CDK17: variants seen among roughly 807,000 people sequenced by gnomAD.
CDK17 encodes the protein cyclin-dependent kinase 17.
Under a neutral mutation model 77.6 loss-of-function variants are expected in CDK17, and 24 were observed. The ratio of observed to expected loss-of-function variants is 0.31; its 90% CI spans 0.22 to 0.44. The LOEUF (loss-of-function observed/expected upper bound fraction) is 0.44, where lower values mean the gene tolerates loss of function less well. Among genes scored for constraint, CDK17 ranks in the 20% least tolerant of loss-of-function variants. CDK17 has a pLI of 1.00. For synonymous variants in CDK17, 203 were observed against 210.4 expected (o/e 0.96, Z 0.30); for missense variants, 429 against 622.5 (o/e 0.69, Z 3.31).
At chr12:96,372,662 T>C (rs568749061) in intron 1 of CDK17, among the ~76,000 whole-genome samples, 1 of 152,234 alleles carries the variant, frequency 6.6e-6, no homozygotes, top group African/African-American at 2.4e-5. Context: ...CCACAGCCAC[T>C]TTTTTTCAGA....
At chr12:96,301,582 T>C (rs1168748565) in intron 5 of CDK17, among the ~76,000 whole-genome samples, 1 of 152,194 alleles carries the variant, frequency 6.6e-6, no homozygotes, top group East Asian at 1.9e-4. Flanking sequence ...GAAAAGGTAA[T>C]GATAATCTAA....
rs1954240282 is a variant in CDK17, at chr12:96,400,251, G to C, written c.-295C>G. ...TCCCGCGCCGACGAGCCGCGCGGAC[G>C]GCCCACTAATCCCCTCGGAGCAGCC... On this transcript the variant is annotated 5_prime_UTR_variant, in exon 1 of 17. Transcript: ENST00000261211. 1 of 393,728 alleles carries C rather than the reference G, an allele frequency of 2.5e-6. No individual in the cohort carries two copies. 24.4% of individuals were successfully genotyped at this position (393,728 alleles called of 1,614,324 possible).
At chr12:96,389,076 C>T (rs1592773286) in intron 1 of CDK17, among the ~76,000 whole-genome samples, 1 of 151,496 alleles carries the variant, frequency 6.6e-6, no homozygotes, top group East Asian at 1.9e-4. Flanking sequence ...GAGCCTTCTG[C>T]CTCAGCCTCC....
intron 1 of CDK17, among the ~76,000 whole-genome samples, chr12:96,395,394 G>A (rs796118037): frequency 4.6e-4 from 70 of 152,328 alleles, no homozygotes; most frequent in African/African-American, 1.7e-3. Flanking sequence ...CATGGAGACA[G>A]TGTAGAGTAG....
At chr12:96,320,137 T>G (rs1046545102) in intron 3 of CDK17, among the ~76,000 whole-genome samples, 11 of 152,268 alleles carry the variant, frequency 7.2e-5, no homozygotes, top group African/African-American at 2.6e-4. Flanking sequence ...TCTTATACAT[T>G]GTACAAGCAT....
intron 1 of CDK17, among the ~76,000 whole-genome samples, chr12:96,363,915 G>A (rs1253711319): frequency 6.6e-6 from 1 of 152,212 alleles, no homozygotes; most frequent in African/African-American, 2.4e-5. Flanking sequence ...GAGGTTCACA[G>A]TGCGAGAAGG....
intron 1 of CDK17, among the ~76,000 whole-genome samples, chr12:96,339,194 A>T (rs1249055432): frequency 6.6e-6 from 1 of 152,230 alleles, no homozygotes; most frequent in Non-Finnish European, 1.5e-5. Context: ...TAACAGTAAC[A>T]TTCTGTAACA....
chr12:96,336,523 C>T (rs1156767345), intron 1 of CDK17, among the ~76,000 whole-genome samples: 1 of 152,104 alleles, frequency 6.6e-6, no homozygotes, highest in Non-Finnish European at 1.5e-5. Context: ...CCAAAAAATA[C>T]TAAATACACA....
chr12:96,316,963 C>T (rs375637109), intron 3 of CDK17, among the ~76,000 whole-genome samples: 4 of 149,968 alleles, frequency 2.7e-5, no homozygotes, highest in African/African-American at 4.9e-5. Context: ...TGGAGAATGA[C>T]TTTGACGAGC....
chr12:96,338,753 T>C (rs1565826034), intron 1 of CDK17, among the ~76,000 whole-genome samples: 2 of 148,988 alleles, frequency 1.3e-5, no homozygotes. Flanking sequence ...ATAAATGTTA[T>C]TGTCTGAAGC....
chr12:96,379,756 T>C (rs1359043169), intron 1 of CDK17, among the ~76,000 whole-genome samples: 2 of 152,178 alleles, frequency 1.3e-5, no homozygotes, highest in African/African-American at 2.4e-5. Context: ...ATATCTCTTA[T>C]TTCCCCAAAC....
chr12:96,301,577 G>A (rs1444187178), intron 5 of CDK17, among the ~76,000 whole-genome samples: 1 of 152,086 alleles, frequency 6.6e-6, no homozygotes, highest in Non-Finnish European at 1.5e-5. Context: ...TAATGGAAAA[G>A]GTAATGATAA....
intron 1 of CDK17, among the ~76,000 whole-genome samples, chr12:96,391,708 T>TAA (rs1954071623): frequency 6.6e-6 from 1 of 152,216 alleles, no homozygotes; most frequent in Non-Finnish European, 1.5e-5. Flanking sequence ...CCATTTTGTC[T>TAA]AAAAGACAAC....
intron 1 of CDK17, among the ~76,000 whole-genome samples, chr12:96,347,590 G>A (rs1171472775): frequency 4.0e-4 from 5 of 12,640 alleles, no homozygotes; most frequent in Non-Finnish European, 1.4e-4. Flanking sequence ...GGGGAGGGGA[G>A]GGGAAGGGAG....
At chr12:96,377,947 C>G (rs1592764934) in intron 1 of CDK17, among the ~76,000 whole-genome samples, 2 of 152,304 alleles carry the variant, frequency 1.3e-5, no homozygotes, top group Middle Eastern at 3.4e-3. Flanking sequence ...CCCACCTTGG[C>G]CTCCCAAAGT....
At chr12:96,394,933 T>C (rs1028074454) in intron 1 of CDK17, among the ~76,000 whole-genome samples, 2 of 150,460 alleles carry the variant, frequency 1.3e-5, no homozygotes, top group Admixed American at 1.3e-4. Flanking sequence ...TAGAGTGCAA[T>C]GGTGCGATCT....
chr12:96,327,236 C>A (rs1015755749), intron 2 of CDK17, among the ~76,000 whole-genome samples: 1 of 152,148 alleles, frequency 6.6e-6, no homozygotes, highest in Non-Finnish European at 1.5e-5. Flanking sequence ...TCTATATAAT[C>A]TTTGTAACTT....
chr12:96,308,893 T>G (rs1156644757), intron 5 of CDK17, among the ~76,000 whole-genome samples: 2 of 151,978 alleles, frequency 1.3e-5, no homozygotes, highest in Non-Finnish European at 2.9e-5. Flanking sequence ...AGGATTTATG[T>G]TCTGCTTTCT....
intron 1 of CDK17, among the ~76,000 whole-genome samples, chr12:96,349,513 A>G (rs1953278864): frequency 6.8e-6 from 1 of 147,716 alleles, no homozygotes; most frequent in Non-Finnish European, 1.5e-5. Flanking sequence ...GATAAACCAC[A>G]TGAACTTCTC....
Sources: gnomAD v4.1 joint callset for allele counts (sites outside exome capture counted in the v4.1 genomes callset) on GRCh38, gnomAD v4.1.1 for gene constraint, MANE v1.5 for transcripts, NCBI Gene and HGNC (gene_info 2026-07-23, HGNC 2026-07-21) for gene names.